HNRNPU: variants seen among roughly 807,000 people sequenced by gnomAD.
HNRNPU encodes HNRNPU antisense RNA 1.
A neutral mutation model predicts 94.7 loss-of-function variants in HNRNPU; 5 were observed. The observed-to-expected ratio is 0.05, with a 90% CI of 0.03 to 0.11. The LOEUF (loss-of-function observed/expected upper bound fraction) is 0.11, where lower values mean the gene tolerates loss of function less well. Among genes scored for constraint, HNRNPU ranks in the 10% least tolerant of loss-of-function variants. The pLI is 1.00. For synonymous variants in HNRNPU, 434 were observed against 381.6 expected (o/e 1.14, Z -1.60); for missense variants, 710 against 1,049.2 (o/e 0.68, Z 4.47).
rs1234627386 is a variant in HNRNPU at position 244,863,615 on chromosome 1, AC to A, written c.691+1del. Reference sequence around the variant, plus strand: ...GCGCGCAACGTACAACGCAGCACTCACCCGCCGCCGGAGCCCCGGGGCGACC... The same window carrying A: ...GCGCGCAACGTACAACGCAGCACTCACCGCCGCCGGAGCCCCGGGGCGACC... On this transcript the variant is annotated splice_donor_variant, in intron 1 of 13. Coordinates refer to ENST00000640218, the MANE Select transcript of HNRNPU (RefSeq NM_031844.3). LOFTEE classifies it high-confidence loss of function. 1 of 1,506,016 alleles carries A rather than the reference AC, an allele frequency of 6.6e-7. No individual in the cohort carries two copies. The highest frequency in any genetic ancestry group is 8.7e-7 in the Non-Finnish European group (1 of 1,143,288). The allele number at this position is 1,506,016 out of a possible 1,614,324, so 93.3% of individuals were successfully genotyped here. A position where few individuals can be genotyped will look rare whatever the true frequency, so the allele number is the denominator to read the frequency against.
rs1680572852 is a variant in HNRNPU at position 244,852,477 on chromosome 1, CTG to C, written c.*1971_*1972del. 6.6e-6 allele frequency: 1 copy of C among 152,164 alleles called. No homozygotes were observed. Among genetic ancestry groups the C allele is most frequent in the Non-Finnish European group, 1.5e-5 (1 of 68,020 alleles). The allele number at this position is 152,164 out of a possible 1,614,324, so 9.4% of individuals were successfully genotyped here. A position where few individuals can be genotyped will look rare whatever the true frequency, so the allele number is the denominator to read the frequency against. On this transcript the variant is annotated 3_prime_UTR_variant, in exon 14 of 14. Coordinates refer to ENST00000640218, the MANE Select transcript of HNRNPU (RefSeq NM_031844.3). ...CAAAGGACAACTTTAGGACACAACACTGATTAGCATCAAAACCTGAAACTGTT... is the reference window on the plus strand; with the variant it reads ...CAAAGGACAACTTTAGGACACAACACATTAGCATCAAAACCTGAAACTGTT...
intron 1 of HNRNPU, chr1:244,863,027 G>A (rs1248295607): frequency 1.4e-5 from 5 of 349,762 alleles, no homozygotes; most frequent in Middle Eastern, 8.2e-4. Flanking sequence ...AGAGGGGGAG[G>A]GGCCGAGCCC....
At chr1:244,863,072 GCTCCCCGCGGCC>G in intron 1 of HNRNPU, 1 of 282,470 alleles carries the variant, frequency 3.5e-6, no homozygotes, top group South Asian at 4.5e-5. Context: ...GCGGGCCCGC[GCTCCCCGCGGCC>G]GCATTGTACT....
At position 244,863,616 on chromosome 1, in the gene HNRNPU, C is replaced by CCCGCCGCCGGAGCCCCGGGGCGA. The variant is rs754216321; in HGVS notation, c.669_691dup (p.Gly231ValfsTer116). On this transcript the variant is annotated frameshift_variant and splice_region_variant. Transcript: ENST00000640218. LOFTEE classifies it high-confidence loss of function. ...CGCGCAACGTACAACGCAGCACTCA[C>CCCGCCGCCGGAGCCCCGGGGCGA]CCGCCGCCGGAGCCCCGGGGCGACC... The CCCGCCGCCGGAGCCCCGGGGCGA allele has an allele frequency of 4.0e-6, 6 of 1,514,422 alleles. No individual in the cohort carries two copies. The highest frequency in any genetic ancestry group is 1.3e-5 in the South Asian group (1 of 79,416). 93.8% of individuals were successfully genotyped at this position (1,514,422 alleles called of 1,614,324 possible). A position where few individuals can be genotyped will look rare whatever the true frequency, so the allele number is the denominator to read the frequency against.
Position 244,853,960 on chromosome 1 carries a change from A to T in HNRNPU, c.*490T>A, listed in dbSNP as rs1009491514. The T allele has an allele frequency of 6.5e-6, 1 of 152,884 alleles. No individual in the cohort carries two copies. Among genetic ancestry groups the T allele is most frequent in the African/African-American group, 2.4e-5 (1 of 41,188 alleles). The allele number at this position is 152,884 out of a possible 1,614,324, so 9.5% of individuals were successfully genotyped here. A position where few individuals can be genotyped will look rare whatever the true frequency, so the allele number is the denominator to read the frequency against. ...CCCCCTCCACTACCCAGCAAACTAC[A>T]GAGAGGATGGAGTGTAATATGAGCA... On this transcript the variant is annotated 3_prime_UTR_variant, in exon 14 of 14. Transcript: ENST00000640218.
intron 1 of HNRNPU, 38 bp from the exon 2 acceptor site, chr1:244,862,768 A>C (rs758179078): frequency 1.3e-6 from 2 of 1,490,888 alleles, no homozygotes; most frequent in Admixed American, 1.7e-5. Flanking sequence ...CCAAGCCTCT[A>C]AACAACAAAA....
chr1:244,859,139 TA>T (rs1680759572), intron 5 of HNRNPU, 135 bp downstream of exon 5: 1 of 597,252 alleles, frequency 1.7e-6, no homozygotes, highest in Admixed American at 3.2e-5. Flanking sequence ...TACTATGTGC[TA>T]ATATTACCTG....
chr1:244,857,538 T>C (rs1024192335), intron 8 of HNRNPU, 60 bp downstream of exon 8: 1 of 1,549,968 alleles, frequency 6.5e-7, no homozygotes, highest in Non-Finnish European at 8.8e-7. Context: ...TGAACCACCA[T>C]GCCCAGCCTC....
chr1:244,854,551 T>C lies in HNRNPU; in HGVS notation c.2425-48A>G, dbSNP rs558971021. 22 of 1,212,206 alleles carry C rather than the reference T, an allele frequency of 1.8e-5. No individual in the cohort carries two copies. In the South Asian group the frequency reaches 2.6e-4, roughly 14 times the overall value. The allele number at this position is 1,212,206 out of a possible 1,614,324, so 75.1% of individuals were successfully genotyped here. A position where few individuals can be genotyped will look rare whatever the true frequency, so the allele number is the denominator to read the frequency against. ...TAAAGAAAAAACATCAATAAGCCAC[T>C]CAAACTGTTTTTAGGAAATGACAAT... On this transcript the variant is annotated intron_variant, in intron 13 of 13. Transcript: ENST00000640218.
chr1:244,862,404 A>AAT (rs1680860365), intron 3 of HNRNPU, 57 bp downstream of exon 3: 2 of 1,225,458 alleles, frequency 1.6e-6, no homozygotes, highest in African/African-American at 3.1e-5. Flanking sequence ...CTAAAAAAAA[A>AAT]AAAAAAAAAA....
rs1680946543 is a variant in HNRNPU, at chr1:244,864,441, G to A, written c.-134C>T. On this transcript the variant is annotated 5_prime_UTR_variant, in exon 1 of 14. Coordinates refer to ENST00000640218, the MANE Select transcript of HNRNPU (RefSeq NM_031844.3). ...CTGCGGCTGGAGATGGGTTCGTGCT[G>A]CAGAGCGGATCCGCCTGGTGTCGAA... 16 of 1,461,320 alleles carry A rather than the reference G, an allele frequency of 1.1e-5. No homozygotes were observed. Among genetic ancestry groups the A allele is most frequent in the Non-Finnish European group, 1.5e-5 (16 of 1,087,246 alleles). The allele number at this position is 1,461,320 out of a possible 1,614,324, so 90.5% of individuals were successfully genotyped here. A position where few individuals can be genotyped will look rare whatever the true frequency, so the allele number is the denominator to read the frequency against.
intron 8 of HNRNPU, 22 bp from the exon 9 acceptor site, chr1:244,856,878 T>TC (rs1214592360): frequency 2.5e-6 from 4 of 1,576,492 alleles, no homozygotes; most frequent in South Asian, 1.2e-5. Context: ...AGTTAAAATT[T>TC]CCCCTTGAAC....
In HNRNPU at chr1:244,851,787, T is replaced by A. The variant is rs1251499461; in HGVS notation, c.*2663A>T. The A allele has an allele frequency of 1.3e-5, 2 of 152,234 alleles. No individual in the cohort carries two copies. Among genetic ancestry groups the A allele is most frequent in the Non-Finnish European group, 2.9e-5 (2 of 68,050 alleles). 9.4% of individuals were successfully genotyped at this position (152,234 alleles called of 1,614,324 possible). On this transcript the variant is annotated 3_prime_UTR_variant, in exon 14 of 14. Coordinates refer to ENST00000640218, the MANE Select transcript of HNRNPU (RefSeq NM_031844.3). ...GCCAGAGCCCTTCAAAGGCTGTATG[T>A]GAGTATATGAGGGAAAACTTTCCAC...
rs139561508 is a variant in HNRNPU, at chr1:244,863,801, C to G, written c.507G>C (p.Gln169His). 2 of 1,609,296 alleles carry G rather than the reference C, an allele frequency of 1.2e-6. No homozygotes were observed. Among genetic ancestry groups the G allele is most frequent in the South Asian group, 2.2e-5 (2 of 90,486 alleles). ...GEQQPQPPAT[Q>H]QQQPQQQRGA... ...CGCGCTGCTGTTGGGGCTGTTGCTG[C>G]TGCGTCGCCGGCGGTTGAGGCTGCT... is the stretch of plus-strand genomic sequence containing the variant. The change falls in exon 1 of 14, where the codon CAG becomes CAC. Residue 169 changes from glutamine (Q) to histidine (H), a missense_variant. Physicochemically the swap from Gln to His is conservative, Grantham distance 24. Coordinates refer to ENST00000640218, the MANE Select transcript of HNRNPU (RefSeq NM_031844.3).
intron 6 of HNRNPU, 78 bp from the exon 7 acceptor site, chr1:244,858,352 G>T: frequency 7.4e-7 from 1 of 1,348,078 alleles, no homozygotes; most frequent in East Asian, 2.4e-5. Context: ...AAAATTAGGA[G>T]CAAAGCTTAT....
Position 244,855,577 on chromosome 1 carries a change from C to T in HNRNPU, c.2199G>A (p.Arg733=), listed in dbSNP as rs764205447. The T allele has an allele frequency of 6.2e-7, 1 of 1,613,720 alleles. No individual in the cohort carries two copies. The highest frequency in any genetic ancestry group is 1.3e-5 in the African/African-American group (1 of 74,824). The part of the protein sequence containing the change: ...APGNRGGYNR[R]GNMPQRGGGG... ...CACCACCTCTCTGTGGCATGTTGCCCCTCCTATTATATCCGCCACGATTCC... is the reference window on the plus strand; with the variant it reads ...CACCACCTCTCTGTGGCATGTTGCCTCTCCTATTATATCCGCCACGATTCC... Residue 733 remains arginine (R), a synonymous_variant, in exon 12 of 14, where the codon AGG becomes AGA. Transcript: ENST00000640218.
intron 10 of HNRNPU, 36 bp from the exon 11 acceptor site, chr1:244,856,194 CCCA>C (rs768886536): frequency 6.4e-7 from 1 of 1,571,356 alleles, no homozygotes; most frequent in Non-Finnish European, 8.6e-7. Flanking sequence ...AATTTAGAAA[CCCA>C]CCACGAATCC....
chr1:244,862,974 C>A, intron 1 of HNRNPU: 1 of 541,558 alleles, frequency 1.8e-6, no homozygotes, highest in Non-Finnish European at 3.3e-6. Context: ...AAAAACTGCG[C>A]GGCCCAGGCC....
Position 244,853,690 on chromosome 1 carries a change from A to G in HNRNPU, c.*760T>C, listed in dbSNP as rs1426669176. On this transcript the variant is annotated 3_prime_UTR_variant, in exon 14 of 14. Transcript: ENST00000640218. Reference sequence around the variant, plus strand: ...CAAGTTTTTTTAATAAGAAATGGGCAAAGCCAGCTTTCTTTTCAGAATCAA... The same window carrying G: ...CAAGTTTTTTTAATAAGAAATGGGCGAAGCCAGCTTTCTTTTCAGAATCAA... The G allele has an allele frequency of 2.6e-5, 4 of 152,606 alleles. No individual in the cohort carries two copies. The highest frequency in any genetic ancestry group is 4.4e-5 in the Non-Finnish European group (3 of 68,010). 9.5% of individuals were successfully genotyped at this position (152,606 alleles called of 1,614,324 possible). A position where few individuals can be genotyped will look rare whatever the true frequency, so the allele number is the denominator to read the frequency against.
Sources: allele counts gnomAD v4.1 joint callset, GRCh38; gene constraint gnomAD v4.1.1; transcripts MANE v1.5; gene names NCBI Gene and HGNC (gene_info 2026-07-23, HGNC 2026-07-21).